Variants in CACNB2 observed in about 807,000 individuals in gnomAD.
The protein encoded by CACNB2 is voltage-dependent L-type calcium channel subunit beta-2.
CACNB2 carries 42 observed loss-of-function variants against 73.3 expected under a neutral mutation model. The ratio of observed to expected loss-of-function variants is 0.57; its 90% CI spans 0.45 to 0.74. CACNB2 has a LOEUF of 0.74. CACNB2 is among the 30% of genes least tolerant of loss of function. The pLI is 0.00. For missense variants in CACNB2, 940 were observed against 853.0 expected (o/e 1.10, Z -1.27); for synonymous variants, 348 against 310.3 (o/e 1.12, Z -1.28).
At chr10:18,347,783 C>T (rs1357630939) in intron 2 of CACNB2, among the ~76,000 whole-genome samples, 1 of 152,154 alleles carries the variant, frequency 6.6e-6, no homozygotes, top group Non-Finnish European at 1.5e-5. Flanking sequence ...AACCTGAAAT[C>T]TGATGAGCCT....
At chr10:18,385,542 G>A (rs775820759) in intron 2 of CACNB2, among the ~76,000 whole-genome samples, 11 of 149,462 alleles carry the variant, frequency 7.4e-5, no homozygotes, top group Non-Finnish European at 1.0e-4. Context: ...CAGGAGAATC[G>A]CTTGAACTCA....
intron 2 of CACNB2, among the ~76,000 whole-genome samples, chr10:18,316,054 G>C (rs1032488980): frequency 6.6e-6 from 1 of 152,118 alleles, no homozygotes; most frequent in Non-Finnish European, 1.5e-5. Context: ...TTTGACAACT[G>C]ACTCTCCAAA....
chr10:18,411,506 ATTTTT>A (rs72400253), intron 3 of CACNB2, among the ~76,000 whole-genome samples: 2 of 125,686 alleles, frequency 1.6e-5, no homozygotes, highest in African/African-American at 2.9e-5. Flanking sequence ...GTCTTTGAGC[ATTTTT>A]TTTTTTTTTT....
At chr10:18,211,860 G>A (rs1431267016) in intron 2 of CACNB2, among the ~76,000 whole-genome samples, 1 of 38,108 alleles carries the variant, frequency 2.6e-5, no homozygotes, top group East Asian at 3.3e-4. Flanking sequence ...TATTTACGTG[G>A]TTTCTTTTTT....
chr10:18,443,716 C>CA (rs1554820598), intron 3 of CACNB2, among the ~76,000 whole-genome samples: 1 of 135,782 alleles, frequency 7.4e-6, no homozygotes, highest in Non-Finnish European at 1.6e-5. Context: ...TCCTACATAC[C>CA]TTTTTTTTTT....
chr10:18,383,209 A>G lies in CACNB2; in HGVS notation c.214-18715A>G, dbSNP rs146892223. Among the ~76,000 whole-genome samples, 30 of 152,332 alleles carry G rather than the reference A, an allele frequency of 2.0e-4. 1 individual carries two copies. Among genetic ancestry groups the G allele is most frequent in the African/African-American group, 6.3e-4 (26 of 41,576 alleles). On this transcript the variant is annotated intron_variant, in intron 2 of 13. Coordinates refer to ENST00000324631, the MANE Select transcript of CACNB2 (RefSeq NM_201596.3). ...CTACAAATATTTATTCTGGTACAGG[A>G]TGTGTTTAAAGGCATAGGCAAAGGC...
Position 18,536,171 on chromosome 10 carries a change from C to G in CACNB2, c.1277C>G (p.Ala426Gly). The change falls in exon 12 of 14, where the codon GCT (alanine) becomes GGT (glycine). Residue 426 changes from alanine (A) to glycine (G), a missense_variant. Ala to Gly is a moderately conservative substitution (Grantham distance 60, BLOSUM62 0). Transcript: ENST00000324631. ...AKHLNVQMVA[A>G]DKLAQCPPEL... ...CACCTCAACGTCCAGATGGTAGCAG[C>G]TGATAAACTGGCTCAGTGTCCTCCA... 1 of 1,592,450 alleles carries G rather than the reference C, an allele frequency of 6.3e-7. No individual in the cohort carries two copies. The highest frequency in any genetic ancestry group is 1.1e-5 in the South Asian group (1 of 90,604).
chr10:18,287,012 A>T (rs1042897650), intron 2 of CACNB2, among the ~76,000 whole-genome samples: 6 of 152,160 alleles, frequency 3.9e-5, no homozygotes, highest in African/African-American at 1.4e-4. Context: ...CAAATATGTA[A>T]ACTAATATAG....
chr10:18,368,072 A>G lies in CACNB2; in HGVS notation c.214-33852A>G, dbSNP rs542306512. On this transcript the variant is annotated intron_variant, in intron 2 of 13. Transcript: ENST00000324631. The stretch of plus-strand genomic sequence containing the variant: ...TTGTCATATGGCCAGGAGGAAAGAA[A>G]TTTCTTGAAAAGCAACTGAGCTCTC... Among the ~76,000 whole-genome samples, 21 of 152,286 alleles carry G rather than the reference A, an allele frequency of 1.4e-4. No homozygotes were observed. In the South Asian group the frequency reaches 4.3e-3, roughly 32 times the overall value.
At chr10:18,504,037 TC>T (rs2050353535) in intron 5 of CACNB2, among the ~76,000 whole-genome samples, 1 of 152,216 alleles carries the variant, frequency 6.6e-6, no homozygotes, top group Admixed American at 6.5e-5. Flanking sequence ...TTTCTTTGCC[TC>T]TTCATATAGA....
At chr10:18,162,799 G>C (rs558240469) in intron 2 of CACNB2, among the ~76,000 whole-genome samples, 3 of 152,302 alleles carry the variant, frequency 2.0e-5, no homozygotes, top group African/African-American at 7.2e-5. Context: ...AGGTGCAAAA[G>C]AAAGCCCTGT....
chr10:18,281,449 A>G (rs1181247591), intron 2 of CACNB2, among the ~76,000 whole-genome samples: 1 of 152,226 alleles, frequency 6.6e-6, no homozygotes, highest in Non-Finnish European at 1.5e-5. Flanking sequence ...ACAACTAACA[A>G]GCCTGAATGT....
At chr10:18,257,540 G>A (rs1779225) in intron 2 of CACNB2, among the ~76,000 whole-genome samples, 151,357 of 152,314 alleles carry the variant, frequency 0.99, 75,208 homozygotes, top group East Asian at 1. Flanking sequence ...TTCTGTGTAT[G>A]TTCTGTATGT....
chr10:18,387,047 G>A (rs2043265960), intron 2 of CACNB2, among the ~76,000 whole-genome samples: 1 of 152,176 alleles, frequency 6.6e-6, no homozygotes, highest in South Asian at 2.1e-4. Context: ...GGTATAAACT[G>A]AAAGTACTGA....
intron 2 of CACNB2, among the ~76,000 whole-genome samples, chr10:18,328,791 TG>T (rs763948510): frequency 1.3e-5 from 2 of 152,254 alleles, no homozygotes; most frequent in Non-Finnish European, 2.9e-5. Flanking sequence ...GAGCTATTTG[TG>T]TGAACCAAAC....
At chr10:18,286,254 C>T (rs1440356243) in intron 2 of CACNB2, among the ~76,000 whole-genome samples, 3 of 152,124 alleles carry the variant, frequency 2.0e-5, no homozygotes, top group South Asian at 2.1e-4. Context: ...CAGTGGCTCA[C>T]GCCTGTAATC....
chr10:18,146,023 G>T (rs1356238477), intron 1 of CACNB2, among the ~76,000 whole-genome samples: 1 of 151,712 alleles, frequency 6.6e-6, no homozygotes, highest in African/African-American at 2.4e-5. Flanking sequence ...CTCTATTTAT[G>T]CAGGCTCCTT....
At chr10:18,173,934 T>A (rs527704518) in intron 2 of CACNB2, among the ~76,000 whole-genome samples, 9 of 152,288 alleles carry the variant, frequency 5.9e-5, no homozygotes, top group African/African-American at 2.2e-4. Flanking sequence ...GGTGGTAAAA[T>A]GTTGGTGAGT....
intron 3 of CACNB2, among the ~76,000 whole-genome samples, chr10:18,422,783 C>G (rs7091067): frequency 0.28 from 42,188 of 152,090 alleles, 6,386 homozygotes; most frequent in Middle Eastern, 0.39. Flanking sequence ...ACTGCAACCT[C>G]CACCTCCCAC....
Sources: allele counts gnomAD v4.1 joint callset (sites outside exome capture counted in the v4.1 genomes callset), GRCh38; gene constraint gnomAD v4.1.1; transcripts MANE v1.5; gene names NCBI Gene and HGNC (gene_info 2026-07-23, HGNC 2026-07-21).